ZNF846: variants seen among roughly 807,000 people sequenced by gnomAD.
The protein encoded by ZNF846 is zinc finger protein 420 pseudogene.
A neutral mutation model predicts 16.0 loss-of-function variants in ZNF846; 15 were observed. The ratio of observed to expected loss-of-function variants is 0.94; its 90% CI spans 0.63 to 1.45. The LOEUF is 1.45. Ranked by LOEUF, ZNF846 falls within the 40% of genes most tolerant of loss-of-function variation. The pLI, the probability that ZNF846 is intolerant of heterozygous loss-of-function variation, is 0.00. For synonymous variants in ZNF846, 229 were observed against 212.0 expected (o/e 1.08, Z -0.70); for missense variants, 714 against 622.3 (o/e 1.15, Z -1.57).
At chr19:9,773,379 TTTC>T (rs1342670272), upstream of ZNF846, among the ~76,000 whole-genome samples, 4 of 151,298 alleles carry the variant, frequency 2.6e-5, no homozygotes, top group Admixed American at 6.6e-5. Flanking sequence ...TAGTGAATAC[TTTC>T]TTAAGATGAT....
At chr19:9,768,684 G>T (rs111302538), upstream of ZNF846, 3,918 of 152,432 alleles carry the variant, frequency 0.026, 164 homozygotes, top group African/African-American at 0.089. Flanking sequence ...GAGCATGAGC[G>T]CTGGCTGAGG....
downstream of ZNF846, among the ~76,000 whole-genome samples, chr19:9,755,321 G>C (rs1275418453): frequency 1.3e-5 from 2 of 151,546 alleles, no homozygotes; most frequent in Non-Finnish European, 1.5e-5. Flanking sequence ...TCCATGACAA[G>C]TCGTCATGGA....
chr19:9,764,004 G>A (rs2045273294), intron 2 of ZNF846, among the ~76,000 whole-genome samples: 1 of 152,196 alleles, frequency 6.6e-6, no homozygotes, highest in Admixed American at 6.6e-5. Flanking sequence ...AACAGCGTGT[G>A]ATGTGCTTCC....
exon 6 of ZNF846, chr19:9,758,731 A>G: frequency 6.3e-7 from 1 of 1,588,066 alleles, no homozygotes; most frequent in Non-Finnish European, 8.6e-7. Context: ...GAATGGTTAG[A>G]GTCATACAGT....
downstream of ZNF846, chr19:9,756,281 A>C (rs1320918471): frequency 2.0e-5 from 3 of 146,644 alleles, no homozygotes; most frequent in Non-Finnish European, 3.0e-5. Flanking sequence ...ATTTATATTA[A>C]AGGATGAAAT....
intron 1 of ZNF846, among the ~76,000 whole-genome samples, chr19:9,779,550 G>A (rs1332204436): frequency 1.4e-5 from 2 of 147,114 alleles, no homozygotes; most frequent in Non-Finnish European, 3.0e-5. Flanking sequence ...TTACAGGCAT[G>A]AGCCACTGCA....
chr19:9,773,585 C>T (rs2045407678), upstream of ZNF846, among the ~76,000 whole-genome samples: 1 of 152,118 alleles, frequency 6.6e-6, no homozygotes, highest in Non-Finnish European at 1.5e-5. Flanking sequence ...AGCTTGAGAC[C>T]AGCCTGGCCA....
intron 5 of ZNF846, 66 bp from the exon 6 acceptor site, chr19:9,758,830 A>T: frequency 1.6e-6 from 2 of 1,232,774 alleles, no homozygotes; most frequent in East Asian, 2.4e-5. Flanking sequence ...ATTTCTCCCC[A>T]ATCACAACAT....
chr19:9,772,433 C>T (rs1226702927), upstream of ZNF846, among the ~76,000 whole-genome samples: 4 of 151,716 alleles, frequency 2.6e-5, no homozygotes, highest in Non-Finnish European at 5.9e-5. Context: ...AACCCTGTCT[C>T]TACTAAAAAT....
At chr19:9,758,729 A>G (rs1204648408) in exon 6 of ZNF846, 3 of 1,588,334 alleles carry the variant, frequency 1.9e-6, no homozygotes, top group South Asian at 2.3e-5. Context: ...CAGAATGGTT[A>G]GAGTCATACA....
chr19:9,784,364 G>A (rs2045536735), intron 1 of ZNF846, among the ~76,000 whole-genome samples: 1 of 152,226 alleles, frequency 6.6e-6, no homozygotes, highest in South Asian at 2.1e-4. Context: ...AAGGAACGGT[G>A]CTGTGCCTGG....
chr19:9,777,148 C>T (rs189170635), intron 1 of ZNF846, among the ~76,000 whole-genome samples: 18 of 146,044 alleles, frequency 1.2e-4, no homozygotes, highest in East Asian at 5.9e-4. Flanking sequence ...CACACACACA[C>T]GCACACACAC....
At chr19:9,756,343 G>GTATATATA (rs1190301971), downstream of ZNF846, 144 of 71,122 alleles carry the variant, frequency 2.0e-3, no homozygotes, top group South Asian at 2.4e-3. Flanking sequence ...GTGTGTGTGT[G>GTATATATA]TGTATATATA....
chr19:9,765,700 A>G (rs1355679470), intron 1 of ZNF846, among the ~76,000 whole-genome samples: 1 of 152,092 alleles, frequency 6.6e-6, no homozygotes, highest in Non-Finnish European at 1.5e-5. Context: ...AAACAAATAA[A>G]GCATTTCCAT....
chr19:9,761,598 C>G (rs2145218659), intron 4 of ZNF846, among the ~76,000 whole-genome samples: 1 of 151,830 alleles, frequency 6.6e-6, no homozygotes, highest in South Asian at 2.1e-4. Flanking sequence ...GTAATCTTAG[C>G]TACTTGGGAG....
intron 1 of ZNF846, among the ~76,000 whole-genome samples, chr19:9,781,618 T>C (rs2045502203): frequency 6.6e-6 from 1 of 152,110 alleles, no homozygotes; most frequent in Non-Finnish European, 1.5e-5. Flanking sequence ...AACAGTCTTC[T>C]GAAAGACTGT....
chr19:9,756,785 A>C (rs2045140795), downstream of ZNF846: 1 of 119,038 alleles, frequency 8.4e-6, no homozygotes, highest in African/African-American at 2.8e-5. Flanking sequence ...CATTCCTTAC[A>C]TACAGAGGGT....
intron 1 of ZNF846, among the ~76,000 whole-genome samples, chr19:9,767,361 C>A (rs2045333001): frequency 6.6e-6 from 1 of 151,852 alleles, no homozygotes; most frequent in South Asian, 2.1e-4. Context: ...TCTGGAACTC[C>A]CAACCTCAGG....
chr19:9,762,381 A>G, intron 3 of ZNF846: 4 of 445,766 alleles, frequency 9.0e-6, no homozygotes, highest in Non-Finnish European at 8.2e-6. Flanking sequence ...CTCATGCCTC[A>G]TACCTCAGCA....
Sources: gnomAD v4.1 joint callset for allele counts (sites outside exome capture counted in the v4.1 genomes callset) on GRCh38, gnomAD v4.1.1 for gene constraint, MANE v1.5 for transcripts, NCBI Gene and HGNC (gene_info 2026-07-23, HGNC 2026-07-21) for gene names.